GATD1: variants seen among roughly 807,000 people sequenced by gnomAD.
The protein encoded by GATD1 is glutamine amidotransferase class 1 domain containing 1.
GATD1 carries 23 observed loss-of-function variants against 25.9 expected under a neutral mutation model. That is an observed-to-expected ratio of 0.89 (90% CI 0.64 to 1.26). GATD1 has a LOEUF of 1.26. Among genes scored for constraint, GATD1 ranks in the 50% most tolerant of loss-of-function variants. The pLI, the probability that GATD1 is intolerant of heterozygous loss-of-function variation, is 0.00. For missense variants in GATD1, 347 were observed against 312.5 expected (o/e 1.11, Z -0.83); for synonymous variants, 177 against 134.6 (o/e 1.31, Z -2.18).
chr11:771,238 A>G, intron 6 of GATD1, 95 bp downstream of exon 6: 2 of 1,550,886 alleles, frequency 1.3e-6, no homozygotes, highest in Admixed American at 1.9e-5. Context: ...GGGGGTCTAT[A>G]GAACCCAGGG....
chr11:773,185 CA>C, intron 4 of GATD1: 1 of 328,418 alleles, frequency 3.0e-6, no homozygotes, highest in Non-Finnish European at 5.7e-6. Context: ...TTCCTCCCTG[CA>C]CCCCTGCTGG....
chr11:767,694 G>A lies in GATD1; in HGVS notation c.*3203C>T. ...GGGGATGGTATTAGGTGGGGCATTT[G>A]GGAGGTCATCCGGTCACAGGGCAGG... On this transcript the variant is annotated 3_prime_UTR_variant, in exon 8 of 8. Coordinates refer to ENST00000319863, the MANE Select transcript of GATD1 (RefSeq NM_182612.4). The A allele has an allele frequency of 1.9e-6, 2 of 1,076,254 alleles. No homozygotes were observed. Among genetic ancestry groups the A allele is most frequent in the East Asian group, 1.0e-4 (2 of 19,974 alleles). The allele number at this position is 1,076,254 out of a possible 1,614,324, so 66.7% of individuals were successfully genotyped here. A position where few individuals can be genotyped will look rare whatever the true frequency, so the allele number is the denominator to read the frequency against.
Position 771,118 on chromosome 11 carries a change from A to T in GATD1, c.545-14T>A. On this transcript the variant is annotated splice_polypyrimidine_tract_variant and intron_variant, in intron 6 of 7. Transcript: ENST00000319863. ...CAGGCTCGCTTGCTGGGGAGGACCG[A>T]GGGCACCAACCTCAGGCAATGTCCA... 1 of 1,576,964 alleles carries T rather than the reference A, an allele frequency of 6.3e-7. No individual in the cohort carries two copies. Among genetic ancestry groups the T allele is most frequent in the Non-Finnish European group, 8.6e-7 (1 of 1,164,544 alleles).
chr11:774,351 A>G (rs1403083794), intron 2 of GATD1, among the ~76,000 whole-genome samples: 2 of 152,276 alleles, frequency 1.3e-5, no homozygotes, highest in African/African-American at 4.8e-5. Context: ...ATAATAAATA[A>G]ACAAAAACCC....
Position 768,723 on chromosome 11 carries a change from T to C in GATD1, c.*2174A>G, listed in dbSNP as rs577904290. The C allele has an allele frequency of 2.0e-5, 3 of 152,218 alleles. No homozygotes were observed. Among genetic ancestry groups the C allele is most frequent in the Middle Eastern group, 3.4e-3 (1 of 294 alleles). The allele number at this position is 152,218 out of a possible 1,614,324, so 9.4% of individuals were successfully genotyped here. A position where few individuals can be genotyped will look rare whatever the true frequency, so the allele number is the denominator to read the frequency against. ...GGCTCACGCCTGTAATCCCAGCACT[T>C]TGGGAGGCTGAGGAAGATGGATCAC... On this transcript the variant is annotated 3_prime_UTR_variant, in exon 8 of 8. Transcript: ENST00000319863.
At position 772,445 on chromosome 11, in the gene GATD1, G is replaced by A; in HGVS notation, c.432C>T (p.Asp144=). 6.2e-7 allele frequency: 1 copy of A among 1,613,410 alleles called. No individual in the cohort carries two copies. The highest frequency in any genetic ancestry group is 8.5e-7 in the Non-Finnish European group (1 of 1,179,960). ...ATNEDRSWVF[D]SYSLTGPSVC... ...CACTCACCCCTGTCAGGCTGTAGCT[G>A]TCGAACACCCAGGATCTGTCCTCGT... The change falls in exon 5 of 8, where the codon GAC becomes GAT. Residue 144 remains aspartate, a synonymous_variant. Transcript: ENST00000319863.
At chr11:773,433 G>T in intron 4 of GATD1, 89 bp downstream of exon 4, 1 of 1,114,872 alleles carries the variant, frequency 9.0e-7, no homozygotes, top group Non-Finnish European at 1.3e-6. Flanking sequence ...CCTACCTGGA[G>T]TCTTCCCACC....
intron 1 of GATD1, among the ~76,000 whole-genome samples, chr11:776,183 GT>G (rs1421997384): frequency 6.6e-6 from 1 of 151,796 alleles, no homozygotes; most frequent in African/African-American, 2.4e-5. Flanking sequence ...GAGTTTCACT[GT>G]TTTAGCCAGA....
intron 2 of GATD1, 37 bp from the exon 3 acceptor site, chr11:774,150 C>G: frequency 1.3e-6 from 2 of 1,567,182 alleles, no homozygotes; most frequent in Non-Finnish European, 1.8e-6. Context: ...GGGTCAGCAC[C>G]AGGGATATCC....
chr11:777,423 GC>G lies in GATD1; in HGVS notation c.39del (p.Leu14SerfsTer43). 1 of 1,290,472 alleles carries G rather than the reference GC, an allele frequency of 7.7e-7. No homozygotes were observed. Among genetic ancestry groups the G allele is most frequent in the Non-Finnish European group, 9.8e-7 (1 of 1,018,182 alleles). The allele number at this position is 1,290,472 out of a possible 1,614,324, so 79.9% of individuals were successfully genotyped here. A position where few individuals can be genotyped will look rare whatever the true frequency, so the allele number is the denominator to read the frequency against. On this transcript the variant is annotated frameshift_variant, in exon 1 of 8. Transcript: ENST00000319863. LOFTEE classifies it high-confidence loss of function. ...CCTTCGGCGGCGCCGCTGGCCACGA[GC>G]AGACAGGCGGGCCTGTTAGGGAGCC... ...SERLPNRPAC[L>X]LVASGAAEGV...
chr11:770,763 A>G lies in GATD1; in HGVS notation c.*134T>C. 6.6e-7 allele frequency: 1 copy of G among 1,508,962 alleles called. No homozygotes were observed. The highest frequency in any genetic ancestry group is 8.8e-7 in the Non-Finnish European group (1 of 1,133,162). 93.5% of individuals were successfully genotyped at this position (1,508,962 alleles called of 1,614,324 possible). ...AGCTGATTCCAGGAGGCCTCCAACA[A>G]TCCCATCAGGGCCAGACCAGGCTGC... On this transcript the variant is annotated 3_prime_UTR_variant, in exon 8 of 8. Transcript: ENST00000319863.
intron 4 of GATD1, 85 bp from the exon 5 acceptor site, chr11:772,606 C>T (rs1232986729): frequency 1.5e-6 from 2 of 1,310,654 alleles, no homozygotes; most frequent in African/African-American, 1.4e-5. Flanking sequence ...TTGTGGCTCC[C>T]CCAGGCTTGT....
intron 2 of GATD1, among the ~76,000 whole-genome samples, 186 bp from the exon 3 acceptor site, chr11:774,299 G>T (rs1863747122): frequency 6.6e-6 from 1 of 152,200 alleles, no homozygotes; most frequent in Non-Finnish European, 1.5e-5. Context: ...CAGCCTCAGT[G>T]GTTTATTTCC....
At chr11:772,721 A>G (rs974160056) in intron 4 of GATD1, 200 bp from the exon 5 acceptor site, 1 of 597,048 alleles carries the variant, frequency 1.7e-6, no homozygotes, top group African/African-American at 1.9e-5. Context: ...TGCTCGGGGG[A>G]GCTGGTGCTT....
chr11:774,229 C>T, intron 2 of GATD1, 116 bp from the exon 3 acceptor site: 6 of 753,918 alleles, frequency 8.0e-6, no homozygotes, highest in Non-Finnish European at 1.3e-5. Flanking sequence ...GGCACAAAGG[C>T]CCCCGACCAC....
At chr11:775,976 CTTTTTTTTTTTTTT>C (rs71022972) in intron 1 of GATD1, among the ~76,000 whole-genome samples, 1 of 72,278 alleles carries the variant, frequency 1.4e-5, no homozygotes, top group Admixed American at 2.3e-4. Flanking sequence ...TATCTTCATT[CTTTTTTTTTTTTTT>C]TTTTTTTTTT....
intron 1 of GATD1, 115 bp downstream of exon 1, chr11:777,261 CCGGCCCCTGCCCGGCGCCCCCAG>C (rs1864094122): frequency 2.0e-6 from 1 of 500,534 alleles, no homozygotes; most frequent in Non-Finnish European, 2.9e-6. Context: ...CCGCCCTCCC[CCGGCCCCTGCCCGGCGCCCCCAG>C]CGGCCTCGGC....
In GATD1 at chr11:769,258, G is replaced by T; in HGVS notation, c.*1639C>A. ...GGAGGGACGCAGCCTTCAGGGCGGGGATGTGGCTGCAGCGCTTCCTTCTTC... is the reference window on the plus strand; with the variant it reads ...GGAGGGACGCAGCCTTCAGGGCGGGTATGTGGCTGCAGCGCTTCCTTCTTC... On this transcript the variant is annotated 3_prime_UTR_variant, in exon 8 of 8. Coordinates refer to ENST00000319863, the MANE Select transcript of GATD1 (RefSeq NM_182612.4). The T allele has an allele frequency of 1.0e-6, 1 of 985,464 alleles. No homozygotes were observed. The allele number at this position is 985,464 out of a possible 1,614,324, so 61.0% of individuals were successfully genotyped here.
rs974209716 is a variant in GATD1 at position 777,394 on chromosome 11, C to T, written c.64+5G>A. 2.3e-6 allele frequency: 3 copies of T among 1,298,340 alleles called. No individual in the cohort carries two copies. Among genetic ancestry groups the T allele is most frequent in the South Asian group, 2.1e-5 (1 of 48,022 alleles). The allele number at this position is 1,298,340 out of a possible 1,614,324, so 80.4% of individuals were successfully genotyped here. ...CGGACACTGGCCCCGGCCGCCGGGC[C>T]TCACCTTCGGCGGCGCCGCTGGCCA... is the stretch of plus-strand genomic sequence containing the variant. On this transcript the variant is annotated splice_donor_5th_base_variant and intron_variant, in intron 1 of 7. Transcript: ENST00000319863.
Sources: gnomAD v4.1 joint callset for allele counts (sites outside exome capture counted in the v4.1 genomes callset) on GRCh38, gnomAD v4.1.1 for gene constraint, MANE v1.5 for transcripts, NCBI Gene and HGNC (gene_info 2026-07-23, HGNC 2026-07-21) for gene names.